EXO1: variants seen among roughly 807,000 people sequenced by gnomAD.
The protein encoded by EXO1 is exonuclease 1.
In EXO1, 69 loss-of-function variants were observed where a neutral mutation model predicts 84.5. The observed-to-expected ratio is 0.82, with a 90% CI of 0.67 to 1.00. The LOEUF is 1.00. Among genes scored for constraint, EXO1 ranks in the 50% least tolerant of loss-of-function variants. The pLI, the probability that EXO1 is intolerant of heterozygous loss-of-function variation, is 0.00. For synonymous variants in EXO1, 373 were observed against 366.1 expected (o/e 1.02, Z -0.21); for missense variants, 1,045 against 1,000.7 (o/e 1.04, Z -0.60).
At chr1:241,873,310 G>A (rs1662217830) in intron 12 of EXO1, among the ~76,000 whole-genome samples, 1 of 152,108 alleles carries the variant, frequency 6.6e-6, no homozygotes, top group Admixed American at 6.5e-5. Context: ...GAGGGAAGCA[G>A]GTGTAGAACC....
At chr1:241,866,461 GTGGTCTTAT>G (rs1661734257) in intron 10 of EXO1, among the ~76,000 whole-genome samples, 1 of 151,434 alleles carries the variant, frequency 6.6e-6, no homozygotes, top group African/African-American at 2.4e-5. Context: ...TTCTTCAGTT[GTGGTCTTAT>G]TTCTTGCACC....
chr1:241,866,944 G>T lies in EXO1; in HGVS notation c.1156G>T (p.Asp386Tyr), dbSNP rs1661777515. The change falls in exon 11 of 16, where the codon GAT (aspartate) becomes TAT (tyrosine). Residue 386 changes from aspartate to tyrosine, a missense_variant. Physicochemically the swap from Asp to Tyr is radical, Grantham distance 160 (BLOSUM62 -3). Coordinates refer to ENST00000366548, the MANE Select transcript of EXO1 (RefSeq NM_130398.4). ...SPRPESGTVS[D>Y]APQLKENPST... ...CAGACCAGAGTCGGGTACTGTTTCA[G>T]ATGCCCCACAATTGAAGGAAAATCC... 1 of 1,613,912 alleles carries T rather than the reference G, an allele frequency of 6.2e-7. No homozygotes were observed. Among genetic ancestry groups the T allele is most frequent in the African/African-American group, 1.3e-5 (1 of 74,920 alleles).
At chr1:241,859,820 T>C (rs1661271801) in intron 8 of EXO1, among the ~76,000 whole-genome samples, 1 of 152,222 alleles carries the variant, frequency 6.6e-6, no homozygotes, top group Admixed American at 6.5e-5. Context: ...AAGAAGCTCA[T>C]TTTCCCCCTT....
chr1:241,857,504 A>G (rs1661130216), intron 7 of EXO1, 22 bp downstream of exon 7: 10 of 1,601,346 alleles, frequency 6.2e-6, no homozygotes, highest in East Asian at 2.2e-5. Flanking sequence ...TGACTACTAT[A>G]TATTACTTTT....
At chr1:241,873,616 T>G (rs1486452960) in intron 12 of EXO1, among the ~76,000 whole-genome samples, 1 of 152,222 alleles carries the variant, frequency 6.6e-6, no homozygotes, top group African/African-American at 2.4e-5. Flanking sequence ...CCTGATGCCA[T>G]GCTAGGTGCT....
intron 15 of EXO1, among the ~76,000 whole-genome samples, chr1:241,886,903 A>G (rs1323506621): frequency 1.3e-5 from 2 of 152,162 alleles, no homozygotes; most frequent in Non-Finnish European, 2.9e-5. Flanking sequence ...CTGGCTTAAT[A>G]GAGCTCAGCC....
At chr1:241,850,999 T>C (rs1456561192) in intron 4 of EXO1, among the ~76,000 whole-genome samples, 1 of 152,072 alleles carries the variant, frequency 6.6e-6, no homozygotes, top group Admixed American at 6.6e-5. Flanking sequence ...CATACCCGGC[T>C]AATTTTTGTA....
chr1:241,885,926 T>G (rs1663047909), intron 15 of EXO1, among the ~76,000 whole-genome samples: 1 of 151,220 alleles, frequency 6.6e-6, no homozygotes, highest in East Asian at 2.0e-4. Context: ...CGATCTCCAC[T>G]CACCGCAACC....
chr1:241,870,784 G>A (rs1662039005), intron 11 of EXO1, among the ~76,000 whole-genome samples: 1 of 152,106 alleles, frequency 6.6e-6, no homozygotes, highest in Non-Finnish European at 1.5e-5. Flanking sequence ...TATGTCATCT[G>A]GAAATTGATG....
chr1:241,862,397 C>T (rs771023219), intron 10 of EXO1, among the ~76,000 whole-genome samples: 3 of 152,180 alleles, frequency 2.0e-5, no homozygotes, highest in Admixed American at 6.5e-5. Flanking sequence ...ATCCCATTTA[C>T]GTAAAGAACT....
At chr1:241,877,177 C>T (rs536661813) in intron 12 of EXO1, among the ~76,000 whole-genome samples, 2 of 152,230 alleles carry the variant, frequency 1.3e-5, no homozygotes, top group South Asian at 4.2e-4. Flanking sequence ...CAGAAACGTG[C>T]CAGTTTTATC....
intron 12 of EXO1, among the ~76,000 whole-genome samples, chr1:241,873,482 T>A (rs925187850): frequency 2.6e-5 from 4 of 152,110 alleles, no homozygotes; most frequent in African/African-American, 9.7e-5. Flanking sequence ...TTTTGGGGAG[T>A]TCCCTTCCCC....
intron 11 of EXO1, among the ~76,000 whole-genome samples, chr1:241,868,393 A>AG: frequency 6.6e-6 from 1 of 151,666 alleles, no homozygotes; most frequent in East Asian, 1.9e-4. Flanking sequence ...AAAAAAAAAA[A>AG]AAAAATTAAG....
intron 14 of EXO1, 30 bp from the exon 15 acceptor site, chr1:241,885,284 A>G (rs373550132): frequency 6.2e-5 from 93 of 1,501,192 alleles, no homozygotes; most frequent in Non-Finnish European, 8.4e-5. Context: ...CTTTAACAGA[A>G]TGGTCTTAAA....
chr1:241,854,074 C>T (rs1274553810), intron 6 of EXO1, among the ~76,000 whole-genome samples: 1 of 152,128 alleles, frequency 6.6e-6, no homozygotes, highest in African/African-American at 2.4e-5. Flanking sequence ...TCAAGGTGCC[C>T]ACATTCCCAG....
At chr1:241,850,105 C>CCCTGTTAGAGTTGTATTTTAGTAGAGAAA (rs1660571685) in intron 3 of EXO1, among the ~76,000 whole-genome samples, 1 of 151,964 alleles carries the variant, frequency 6.6e-6, no homozygotes, top group South Asian at 2.1e-4. Flanking sequence ...CATGGTGAAA[C>CCCTGTTAGAGTTGTATTTTAGTAGAGAAA]CCCGTCTCTA....
rs370652280 is a variant in EXO1 at position 241,885,314 on chromosome 1, G to T, written c.2212G>T (p.Val738Phe). 1 of 1,612,386 alleles carries T rather than the reference G, an allele frequency of 6.2e-7. No homozygotes were observed. The highest frequency in any genetic ancestry group is 8.5e-7 in the Non-Finnish European group (1 of 1,178,936). ...SKKDTPLRNKVPGLYKSSSAD... is the reference protein window; with the variant it reads ...SKKDTPLRNKFPGLYKSSSAD... ...CTTAAAATGGGTGTTTAATCTTCAG[G>T]TTCCTGGGCTATATAAGTCCAGTTC... The change falls in exon 15 of 16, where the codon GTT becomes TTT. Residue 738 changes from valine (V) to phenylalanine (F), a missense_variant and splice_region_variant. Coordinates refer to ENST00000366548, the MANE Select transcript of EXO1 (RefSeq NM_130398.4).
intron 11 of EXO1, among the ~76,000 whole-genome samples, chr1:241,871,566 C>T (rs851781): frequency 0.51 from 76,895 of 151,990 alleles, 19,741 homozygotes; most frequent in East Asian, 0.71. Flanking sequence ...AAATTACTTA[C>T]GACTATATGA....
intron 14 of EXO1, among the ~76,000 whole-genome samples, chr1:241,882,409 G>A (rs563174010): frequency 7.9e-5 from 12 of 152,254 alleles, no homozygotes; most frequent in East Asian, 1.9e-4. Context: ...ATTGCATGGA[G>A]TGGTATTACT....
Sources: gnomAD v4.1 joint callset for allele counts (sites outside exome capture counted in the v4.1 genomes callset) on GRCh38, gnomAD v4.1.1 for gene constraint, MANE v1.5 for transcripts, NCBI Gene and HGNC (gene_info 2026-07-23, HGNC 2026-07-21) for gene names.